Variants in CSF2RA observed in about 807,000 individuals in gnomAD.
CSF2RA encodes the protein colony stimulating factor 2 receptor subunit alpha, also known as granulocyte-macrophage colony-stimulating factor receptor subunit alpha.
A neutral mutation model predicts 51.6 loss-of-function variants in CSF2RA; 42 were observed. That is an observed-to-expected ratio of 0.81 (90% CI 0.64 to 1.05). The LOEUF (loss-of-function observed/expected upper bound fraction) is 1.05. Among genes scored for constraint, CSF2RA ranks in the 50% least tolerant of loss-of-function variants. CSF2RA has a pLI of 0.00. For missense variants in CSF2RA, 530 were observed against 501.1 expected, an observed-to-expected ratio of 1.06 and a Z score of -0.55; for synonymous variants, 222 against 193.0, an observed-to-expected ratio of 1.15 and a Z score of -1.24.
At chrX:1,311,494 C>A (rs1334802086), downstream of CSF2RA, among the ~76,000 whole-genome samples, 2 of 151,446 alleles carry the variant, frequency 1.3e-5, no homozygotes, top group African/African-American at 4.9e-5. Flanking sequence ...AGTGCAGTGG[C>A]ACAATCTCTG....
At chrX:1,290,243 G>T in intron 6 of CSF2RA, 94 bp from the exon 7 acceptor site, 2 of 1,002,570 alleles carry the variant, frequency 2.0e-6, no homozygotes, top group South Asian at 2.9e-5. Context: ...TTGTGTTTTT[G>T]TGTTTTGTTT....
At chrX:1,288,438 C>T (rs1198999046) in intron 4 of CSF2RA, 81 bp from the exon 5 acceptor site, 18 of 1,558,476 alleles carry the variant, frequency 1.2e-5, no homozygotes, top group African/African-American at 5.4e-5. Flanking sequence ...GCCGAGATCA[C>T]GCCACTGCAC....
At position 1,285,916 on chromosome X, in the gene CSF2RA, C is replaced by G; in HGVS notation, c.215C>G (p.Pro72Arg). 6.2e-7 allele frequency: 1 copy of G among 1,613,800 alleles called. No individual in the cohort carries two copies. Among genetic ancestry groups the G allele is most frequent in the Non-Finnish European group, 8.5e-7 (1 of 1,179,834 alleles). Reference protein sequence around the residue: ...LTDKKNRVVEPRLSNNECSCT... With the variant: ...LTDKKNRVVERRLSNNECSCT... ...GACAAGAAGAACAGAGTCGTGGAAC[C>G]CAGGGTGAGACGAATTTCCCATTCT... The change falls in exon 4 of 13, where the codon CCC becomes CGC. Residue 72 changes from proline to arginine, a missense_variant. Pro to Arg is a moderately radical substitution (Grantham distance 103). Transcript: ENST00000381529.
intron 3 of CSF2RA, among the ~76,000 whole-genome samples, chrX:1,283,724 G>C (rs1402553025): frequency 6.6e-6 from 1 of 151,428 alleles, no homozygotes; most frequent in Non-Finnish European, 1.5e-5. Flanking sequence ...CCTGCCACCA[G>C]GCCCAGCTAA....
the CSF2RA span, among the ~76,000 whole-genome samples, chrX:1,323,927 T>G: frequency 7.9e-5 from 12 of 151,398 alleles, no homozygotes; most frequent in African/African-American, 1.9e-4. Flanking sequence ...GGCAGGAGAA[T>G]GGCGTGAACC....
chrX:1,282,899 C>T (rs2090205950), intron 3 of CSF2RA, 120 bp downstream of exon 3: 1 of 891,452 alleles, frequency 1.1e-6, no homozygotes, highest in African/African-American at 1.6e-5. Flanking sequence ...ATGAGGGACC[C>T]AATAAGCACC....
chrX:1,315,629 T>C, the CSF2RA span, among the ~76,000 whole-genome samples: 1 of 152,168 alleles, frequency 6.6e-6, no homozygotes. Context: ...GGTCTCGAAC[T>C]CCTGACCTCA....
Position 1,289,153 on chromosome X carries a change from T to G in CSF2RA, c.473+265T>G, listed in dbSNP as rs757927435. On this transcript the variant is annotated intron_variant, in intron 6 of 12. Coordinates refer to ENST00000381529, the MANE Select transcript of CSF2RA (RefSeq NM_172245.4). ...CATCTATGTATTTAGAGACAGAGTC[T>G]TGCTCTGTCGCCCAGGCTGGAGTGT... The G allele has an allele frequency of 1.1e-4, 55 of 508,376 alleles. No individual in the cohort carries two copies. In the East Asian group the frequency reaches 2.0e-3, roughly 19 times the overall value. 31.5% of individuals were successfully genotyped at this position (508,376 alleles called of 1,614,324 possible). A position where few individuals can be genotyped will look rare whatever the true frequency, so the allele number is the denominator to read the frequency against.
At chrX:1,307,570 T>A (rs1219326880) in intron 12 of CSF2RA, among the ~76,000 whole-genome samples, 1 of 152,120 alleles carries the variant, frequency 6.6e-6, no homozygotes, top group African/African-American at 2.4e-5. Flanking sequence ...CTTCAACTGA[T>A]TAGATGAGGC....
At chrX:1,307,905 C>G (rs1489079119) in intron 12 of CSF2RA, among the ~76,000 whole-genome samples, 11 of 144,484 alleles carry the variant, frequency 7.6e-5, no homozygotes, top group African/African-American at 2.7e-4. Flanking sequence ...AGATGAGACC[C>G]ACCCTTCCCA....
the CSF2RA span, among the ~76,000 whole-genome samples, chrX:1,321,313 C>CA: frequency 6.6e-6 from 1 of 151,766 alleles, no homozygotes; most frequent in East Asian, 1.9e-4. Flanking sequence ...ACTAAAAATA[C>CA]AAAAAATTAG....
intron 7 of CSF2RA, 30 bp from the exon 8 acceptor site, chrX:1,294,298 T>C (rs752605509): frequency 6.2e-7 from 1 of 1,612,062 alleles, no homozygotes; most frequent in African/African-American, 1.3e-5. Flanking sequence ...CCTCTCGGGT[T>C]CAGGGGTGTG....
chrX:1,305,001 TTTG>T (rs2083415273), intron 11 of CSF2RA, among the ~76,000 whole-genome samples: 1 of 142,966 alleles, frequency 7.0e-6, no homozygotes. Flanking sequence ...GTGATTTTTT[TTTG>T]TTTTTTTGAG....
chrX:1,320,262 A>C, the CSF2RA span, among the ~76,000 whole-genome samples: 1 of 151,212 alleles, frequency 6.6e-6, no homozygotes, highest in Non-Finnish European at 1.5e-5. Flanking sequence ...TCCTGACCTC[A>C]GGTGATCCAC....
At chrX:1,301,077 C>A (rs1230128189) in intron 10 of CSF2RA, among the ~76,000 whole-genome samples, 6 of 151,598 alleles carry the variant, frequency 4.0e-5, no homozygotes, top group Non-Finnish European at 8.8e-5. Context: ...CACTTGAACC[C>A]AGGAGGCGGA....
chrX:1,281,015 C>T (rs2089932100), intron 2 of CSF2RA, among the ~76,000 whole-genome samples: 1 of 108,954 alleles, frequency 9.2e-6, no homozygotes. Context: ...TCCTTCTCCT[C>T]CTCCTCCTTC....
intron 2 of CSF2RA, among the ~76,000 whole-genome samples, chrX:1,280,525 A>G (rs2089775147): frequency 6.6e-6 from 1 of 151,696 alleles, no homozygotes; most frequent in Non-Finnish European, 1.5e-5. Flanking sequence ...AGTTTGGTCC[A>G]TAAAGGCGGG....
At chrX:1,296,117 A>T (rs1288631215) in intron 9 of CSF2RA, among the ~76,000 whole-genome samples, 1 of 142,810 alleles carries the variant, frequency 7.0e-6, no homozygotes, top group Non-Finnish European at 1.5e-5. Flanking sequence ...CACACCTAGC[A>T]TAAACCTACA....
downstream of CSF2RA, chrX:1,310,230 C>G (rs1423007970): frequency 6.2e-6 from 1 of 161,436 alleles, no homozygotes; most frequent in Non-Finnish European, 1.3e-5. Context: ...GCTTAGACTC[C>G]AAGAAGCTTT....
Sources: gnomAD v4.1 joint callset for allele counts (sites outside exome capture counted in the v4.1 genomes callset) on GRCh38, gnomAD v4.1.1 for gene constraint, MANE v1.5 for transcripts, NCBI Gene and HGNC (gene_info 2026-07-23, HGNC 2026-07-21) for gene names.